Variants in ELOVL2 observed in about 807,000 individuals in gnomAD.
The protein encoded by ELOVL2 is ELOVL fatty acid elongase 2.
ELOVL2 carries 38 observed loss-of-function variants against 37.7 expected under a neutral mutation model. The ratio of observed to expected loss-of-function variants is 1.01; its 90% CI spans 0.78 to 1.32. ELOVL2 has a LOEUF of 1.32. Among genes scored for constraint, ELOVL2 ranks in the 40% most tolerant of loss-of-function variants. The probability of loss-of-function intolerance (pLI) is 0.00; values close to 1 mark genes in which losing one functional copy is unlikely to be tolerated. For synonymous variants in ELOVL2, 115 were observed against 122.3 expected, an observed-to-expected ratio of 0.94 and a Z score of 0.40; for missense variants, 352 against 363.6, an observed-to-expected ratio of 0.97 and a Z score of 0.26.
chr6:10,988,738 C>T (rs1234714592), intron 7 of ELOVL2, among the ~76,000 whole-genome samples: 1 of 152,160 alleles, frequency 6.6e-6, no homozygotes, highest in Non-Finnish European at 1.5e-5. Flanking sequence ...TTTCCCCAGC[C>T]TACAAAAGAG....
chr6:11,008,049 T>C (rs571237485), intron 2 of ELOVL2, among the ~76,000 whole-genome samples: 65 of 152,268 alleles, frequency 4.3e-4, no homozygotes, highest in African/African-American at 1.5e-3. Flanking sequence ...CTCAGAACAA[T>C]ACCCCTTGAT....
intron 1 of ELOVL2, among the ~76,000 whole-genome samples, chr6:11,031,564 GATTT>G (rs1782930241): frequency 6.6e-6 from 1 of 152,078 alleles, no homozygotes; most frequent in African/African-American, 2.4e-5. Flanking sequence ...TCTGTTTATT[GATTT>G]ATAAGGGTCA....
intron 5 of ELOVL2, among the ~76,000 whole-genome samples, chr6:10,992,736 C>T (rs1387109271): frequency 3.4e-5 from 5 of 148,032 alleles, no homozygotes; most frequent in African/African-American, 9.9e-5. Flanking sequence ...TGCAGTGAGC[C>T]GGGATTGTGC....
chr6:10,989,913 A>G, intron 6 of ELOVL2, 76 bp from the exon 7 acceptor site: 2 of 1,554,288 alleles, frequency 1.3e-6, no homozygotes, highest in East Asian at 2.3e-5. Context: ...AGCTTGATCA[A>G]TTCAGAAATC....
chr6:10,992,729 A>G (rs1782185566), intron 5 of ELOVL2, among the ~76,000 whole-genome samples: 1 of 150,148 alleles, frequency 6.7e-6, no homozygotes, highest in Admixed American at 6.6e-5. Flanking sequence ...CAGAGGTTGC[A>G]GTGAGCCGGG....
Position 11,044,258 on chromosome 6 carries a change from C to CCGGG in ELOVL2, c.-32_-29dup. On this transcript the variant is annotated 5_prime_UTR_variant, in exon 1 of 8. Transcript: ENST00000354666. The surrounding 1 kb of genome is among the most constrained non-coding windows in gnomAD (Gnocchi z 5.6). ...TCCGCAGCGGCTGTGGCGCGGCGAC[C>CCGGG]CGGGCGGGCGGCGATGCGCTGTCCA... 3.0e-6 allele frequency: 4 copies of CCGGG among 1,330,944 alleles called. No individual in the cohort carries two copies. In the Admixed American group the frequency reaches 1.2e-4, roughly 39 times the overall value. The allele number at this position is 1,330,944 out of a possible 1,614,324, so 82.4% of individuals were successfully genotyped here.
At chr6:10,991,111 C>T (rs1782151231) in intron 5 of ELOVL2, among the ~76,000 whole-genome samples, 1 of 152,216 alleles carries the variant, frequency 6.6e-6, no homozygotes, top group Non-Finnish European at 1.5e-5. Context: ...TCTGTAACTG[C>T]CTCCACCATA....
At chr6:11,009,046 G>A (rs1782526697) in intron 2 of ELOVL2, among the ~76,000 whole-genome samples, 1 of 152,184 alleles carries the variant, frequency 6.6e-6, no homozygotes, top group South Asian at 2.1e-4. Flanking sequence ...CTTCTGTCTA[G>A]AATTCATTCA....
intron 6 of ELOVL2, 115 bp downstream of exon 6, chr6:10,990,203 G>T: frequency 7.3e-7 from 1 of 1,360,648 alleles, no homozygotes; most frequent in Non-Finnish European, 1.0e-6. Context: ...GCCAATTTTG[G>T]AAAAAAAATG....
At chr6:10,995,312 T>C in intron 4 of ELOVL2, 134 bp from the exon 5 acceptor site, 1 of 654,250 alleles carries the variant, frequency 1.5e-6, no homozygotes, top group Non-Finnish European at 2.6e-6. Flanking sequence ...GCAGCTCACC[T>C]GGTGTCCTTG....
In ELOVL2 at chr6:11,044,212, G is replaced by T; in HGVS notation, c.3+16C>A. 6.9e-7 allele frequency: 1 copy of T among 1,445,050 alleles called. No homozygotes were observed. Among genetic ancestry groups the T allele is most frequent in the Non-Finnish European group, 9.1e-7 (1 of 1,097,298 alleles). The allele number at this position is 1,445,050 out of a possible 1,614,324, so 89.5% of individuals were successfully genotyped here. A position where few individuals can be genotyped will look rare whatever the true frequency, so the allele number is the denominator to read the frequency against. ...AAAGCGCGGCGGTGTCGGTGGCGGC[G>T]CGCGGCCCCACTCACCATGATCCGC... On this transcript the variant is annotated intron_variant, in intron 1 of 7. Coordinates refer to ENST00000354666, the MANE Select transcript of ELOVL2 (RefSeq NM_017770.4). The surrounding 1 kb of genome is among the most constrained non-coding windows in gnomAD (Gnocchi z 5.6).
chr6:10,983,661 A>G lies in ELOVL2; in HGVS notation c.*120T>C. 1 of 1,110,274 alleles carries G rather than the reference A, an allele frequency of 9.0e-7. No homozygotes were observed. Among genetic ancestry groups the G allele is most frequent in the Non-Finnish European group, 1.3e-6 (1 of 799,430 alleles). The allele number at this position is 1,110,274 out of a possible 1,614,324, so 68.8% of individuals were successfully genotyped here. On this transcript the variant is annotated 3_prime_UTR_variant, in exon 8 of 8. Transcript: ENST00000354666. Reference sequence around the variant, plus strand: ...ATATATTAATACATTCTGGGTACAAATGATTTATGAACTCAAAAGAAATTA... The same window carrying G: ...ATATATTAATACATTCTGGGTACAAGTGATTTATGAACTCAAAAGAAATTA...
intron 3 of ELOVL2, among the ~76,000 whole-genome samples, chr6:11,003,522 A>G (rs899824558): frequency 2.0e-5 from 3 of 152,114 alleles, no homozygotes; most frequent in South Asian, 2.1e-4. Context: ...TCCATGGTGT[A>G]TATGTGCCAC....
chr6:10,994,998 ATAAC>A lies in ELOVL2; in HGVS notation c.505+5_505+8del. ...TCCTCAAAACGGAAAAATTAACAAA[ATAAC>A]TTACTTTGTCCACAAGGTATCCAGT... On this transcript the variant is annotated splice_donor_5th_base_variant and intron_variant, in intron 5 of 7. Transcript: ENST00000354666. 1 of 1,577,130 alleles carries A rather than the reference ATAAC, an allele frequency of 6.3e-7. No homozygotes were observed. Among genetic ancestry groups the A allele is most frequent in the Non-Finnish European group, 8.6e-7 (1 of 1,162,150 alleles).
chr6:10,988,365 G>T (rs1782086013), intron 7 of ELOVL2, among the ~76,000 whole-genome samples: 1 of 152,232 alleles, frequency 6.6e-6, no homozygotes, highest in African/African-American at 2.4e-5. Context: ...AGGAGTTCAA[G>T]ACCAGCCTGA....
chr6:11,031,935 C>A (rs1782935555), intron 1 of ELOVL2, among the ~76,000 whole-genome samples: 1 of 152,194 alleles, frequency 6.6e-6, no homozygotes, highest in Admixed American at 6.5e-5. Flanking sequence ...TGTAGTGCTA[C>A]TCCTCTCTTA....
intron 4 of ELOVL2, among the ~76,000 whole-genome samples, chr6:10,998,425 T>C (rs1782312077): frequency 6.6e-6 from 1 of 152,232 alleles, no homozygotes; most frequent in Non-Finnish European, 1.5e-5. Flanking sequence ...GATAAATGTT[T>C]AATTCTTTCC....
intron 1 of ELOVL2, among the ~76,000 whole-genome samples, chr6:11,022,247 C>T (rs1389664976): frequency 6.6e-6 from 1 of 152,146 alleles, no homozygotes; most frequent in African/African-American, 2.4e-5. Flanking sequence ...AAGTTGTGTC[C>T]AGCTAGACAA....
chr6:11,040,389 G>C (rs1010721807), intron 1 of ELOVL2, among the ~76,000 whole-genome samples: 5 of 152,052 alleles, frequency 3.3e-5, no homozygotes, highest in African/African-American at 1.2e-4. Context: ...AATACGGCTA[G>C]CCTGAACTGA....
Sources: gnomAD v4.1 joint callset for allele counts (sites outside exome capture counted in the v4.1 genomes callset) on GRCh38, gnomAD v4.1.1 for gene constraint, Gnocchi (gnomAD v3.1) non-coding constraint, MANE v1.5 for transcripts, NCBI Gene and HGNC (gene_info 2026-07-23, HGNC 2026-07-21) for gene names.